CCDC27: variants seen among roughly 807,000 people sequenced by gnomAD.
CCDC27 encodes the protein coiled-coil domain containing 27.
A neutral mutation model predicts 80.3 loss-of-function variants in CCDC27; 80 were observed. The observed-to-expected ratio is 1.00, with a 90% confidence interval of 0.83 to 1.20. CCDC27 has a LOEUF of 1.20. Ranked by LOEUF, CCDC27 falls within the 50% of genes most tolerant of loss-of-function variation. The probability of loss-of-function intolerance (pLI) is 0.00; values close to 1 mark genes in which losing one functional copy is unlikely to be tolerated. For synonymous variants in CCDC27, 342 were observed against 334.3 expected, an observed-to-expected ratio of 1.02 and a Z score of -0.25; for missense variants, 815 against 809.4, an observed-to-expected ratio of 1.01 and a Z score of -0.08.
chr1:3,762,709 G>T lies in CCDC27; in HGVS notation c.951G>T (p.Trp317Cys), dbSNP rs369668046. ...ATGAGGAGGAGCTGCAGCACTGGTG[G>T]CAGGTGCGGGCCGCCTGGAGAGCAG... ...SRHEEELQHW[W>C]QMQEESAAPE... The change falls in exon 6 of 12, where the codon TGG becomes TGT. Residue 317 changes from tryptophan (W) to cysteine (C), a missense_variant. By Grantham distance (215) the Trp-to-Cys change is radical (BLOSUM62 -2). Coordinates refer to ENST00000294600, the MANE Select transcript of CCDC27 (RefSeq NM_152492.3). 9.0e-6 allele frequency: 14 copies of T among 1,548,786 alleles called. No individual in the cohort carries two copies. Among genetic ancestry groups the T allele is most frequent in the Non-Finnish European group, 1.0e-5 (12 of 1,146,554 alleles).
intron 3 of CCDC27, 122 bp from the exon 4 acceptor site, chr1:3,756,607 AGTCT>A (rs199790625): frequency 7.3e-6 from 7 of 956,148 alleles, no homozygotes; most frequent in Admixed American, 4.0e-5. Context: ...GACAGATTGG[AGTCT>A]GTCTGGGCAG....
rs556575875 is a variant in CCDC27 at position 3,769,360 on chromosome 1, A to G, written c.1744-423A>G. Among the ~76,000 whole-genome samples, 5 of 152,264 alleles carry G rather than the reference A, an allele frequency of 3.3e-5. No homozygotes were observed. The South Asian group carries it at 1.0e-3, about 32-fold the overall frequency. On this transcript the variant is annotated intron_variant, in intron 10 of 11. Transcript: ENST00000294600. The surrounding 1 kb of genome is among the most constrained non-coding windows in gnomAD (Gnocchi z 4.6). ...GGAAGCACCAGCAGCGCACTGTTAA[A>G]TGCCTAAAGTGAGAGTGTCCCCAAG...
rs200636445 is a variant in CCDC27, at chr1:3,763,370, C to T, written c.1217C>T (p.Ser406Leu). Residue 406 changes from serine (S) to leucine (L), a missense_variant, in exon 7 of 12, where the codon TCG becomes TTG. Ser to Leu is a moderately radical substitution (Grantham distance 145). Coordinates refer to ENST00000294600, the MANE Select transcript of CCDC27 (RefSeq NM_152492.3). The surrounding 1 kb of genome is among the most constrained non-coding windows in gnomAD (Gnocchi z 7.5). Reference sequence around the variant, plus strand: ...AGAAGGGCCTCCTCCCTGGCCGAGTCGTTTGAGGAGGAGCTGCTGGCCCAG... The same window carrying T: ...AGAAGGGCCTCCTCCCTGGCCGAGTTGTTTGAGGAGGAGCTGCTGGCCCAG... ...PRRRASSLAE[S>L]FEEELLAQLE... is the part of the protein sequence containing the mutation. 619 of 1,612,928 alleles carry T rather than the reference C, an allele frequency of 3.8e-4. 4 individuals are homozygous for T. The highest frequency in any genetic ancestry group is 1.9e-4 in the Middle Eastern group (1 of 5,148).
chr1:3,764,619 T>C (rs970765143), intron 8 of CCDC27, among the ~76,000 whole-genome samples: 1 of 152,164 alleles, frequency 6.6e-6, no homozygotes, highest in Non-Finnish European at 1.5e-5. Context: ...ATAAAATAAG[T>C]TTTACAGAAC....
chr1:3,760,405 C>G lies in CCDC27; in HGVS notation c.712-876C>G, dbSNP rs114593818. On this transcript the variant is annotated intron_variant, in intron 4 of 11. Transcript: ENST00000294600. The surrounding 1 kb of genome is among the most constrained non-coding windows in gnomAD (Gnocchi z 4.3). ...CACACCTATCTTTATTCCTTTTCTT[C>G]TACTTTCTGCGGGATTAATTTTAGT... is the stretch of plus-strand genomic sequence containing the variant. Among the ~76,000 whole-genome samples the G allele has an allele frequency of 5.1e-4, 77 of 152,192 alleles. No homozygotes were observed. Among genetic ancestry groups the G allele is most frequent in the African/African-American group, 1.7e-3 (72 of 41,518 alleles).
rs1331555407 is a variant in CCDC27 at position 3,755,499 on chromosome 1, G to C, written c.485G>C (p.Ser162Thr). The change falls in exon 3 of 12, where the codon AGC (serine) becomes ACC (threonine). Residue 162 changes from serine to threonine, a missense_variant. Transcript: ENST00000294600. ...GATTTGTCCGGAGAGATTGACAACA[G>C]CTCGGAGACCTGGAGAGGCACCCAG... Reference protein sequence around the residue: ...EADLSGEIDNSSETWRGTQDL... With the variant: ...EADLSGEIDNTSETWRGTQDL... 1.9e-6 allele frequency: 3 copies of C among 1,614,196 alleles called. No homozygotes were observed. Among genetic ancestry groups the C allele is most frequent in the Non-Finnish European group, 2.5e-6 (3 of 1,180,022 alleles).
Position 3,763,667 on chromosome 1 carries a change from C to G in CCDC27, c.1322-39C>G. ...CCTCTCCTTCTGTCCCTCACTGCCC[C>G]TGCTTGCTCCTGCTCACCGCCTCTG... On this transcript the variant is annotated intron_variant, in intron 7 of 11. Coordinates refer to ENST00000294600, the MANE Select transcript of CCDC27 (RefSeq NM_152492.3). The surrounding 1 kb of genome is among the most constrained non-coding windows in gnomAD (Gnocchi z 7.5). 4 of 1,612,238 alleles carry G rather than the reference C, an allele frequency of 2.5e-6. No homozygotes were observed. Among genetic ancestry groups the G allele is most frequent in the Non-Finnish European group, 3.4e-6 (4 of 1,178,570 alleles).
rs532211926 is a variant in CCDC27, at chr1:3,759,034, C to T, written c.711+2144C>T. 1.5e-4 allele frequency among the ~76,000 whole-genome samples: 22 copies of T among 149,814 alleles called. No individual in the cohort carries two copies. The South Asian group carries it at 2.5e-3, about 17-fold the overall frequency. ...GACCAGCCTGGCCAACATAGTGAAA[C>T]CTCATCTCTACTAAAAATACAAAAA... On this transcript the variant is annotated intron_variant, in intron 4 of 11. Coordinates refer to ENST00000294600, the MANE Select transcript of CCDC27 (RefSeq NM_152492.3).
chr1:3,764,259 T>C (rs1476274301), intron 8 of CCDC27, among the ~76,000 whole-genome samples: 1 of 152,228 alleles, frequency 6.6e-6, no homozygotes, highest in African/African-American at 2.4e-5. Context: ...AAGTTATTCA[T>C]GCACATCGCT....
At chr1:3,759,754 C>T (rs144752508) in intron 4 of CCDC27, among the ~76,000 whole-genome samples, 1 of 152,324 alleles carries the variant, frequency 6.6e-6, no homozygotes, top group East Asian at 1.9e-4. Context: ...TCTACCTGTA[C>T]ATTATTATAG....
rs1035832267 is a variant in CCDC27, at chr1:3,766,827, G to C, written c.1530+215G>C. Among the ~76,000 whole-genome samples, 2 of 146,250 alleles carry C rather than the reference G, an allele frequency of 1.4e-5. No homozygotes were observed. Among genetic ancestry groups the C allele is most frequent in the African/African-American group, 2.6e-5 (1 of 38,974 alleles). On this transcript the variant is annotated intron_variant, in intron 9 of 11. Transcript: ENST00000294600. This position sits in a 1 kb window ranked among gnomAD's most constrained non-coding sequence, Gnocchi z 6.1. Reference sequence around the variant, plus strand: ...ACTGGACTGGAGGGACCCAGCAAGCGTTCCCAGTCCTTTTTTTTTTTTTTT... The same window carrying C: ...ACTGGACTGGAGGGACCCAGCAAGCCTTCCCAGTCCTTTTTTTTTTTTTTT...
intron 4 of CCDC27, among the ~76,000 whole-genome samples, chr1:3,759,910 C>G (rs1421061162): frequency 6.6e-6 from 1 of 152,180 alleles, no homozygotes; most frequent in Non-Finnish European, 1.5e-5. Flanking sequence ...CCAGGTCATG[C>G]GTATGAACCA....
rs1319401249 is a variant in CCDC27 at position 3,762,072 on chromosome 1, CA to C, written c.862-547del. ...GGACGAGGCAGGTCTGTGTTGTGCCCAGGGGCGGTCACCTGATCTTCCTAAG... is the reference window on the plus strand; with the variant it reads ...GGACGAGGCAGGTCTGTGTTGTGCCCGGGGCGGTCACCTGATCTTCCTAAG... On this transcript the variant is annotated intron_variant, in intron 5 of 11. Transcript: ENST00000294600. 5.3e-5 allele frequency among the ~76,000 whole-genome samples: 8 copies of C among 152,280 alleles called. No individual in the cohort carries two copies. In the East Asian group the frequency reaches 1.4e-3, roughly 26 times the overall value.
intron 3 of CCDC27, chr1:3,756,437 C>T: frequency 3.5e-6 from 1 of 282,566 alleles, no homozygotes; most frequent in Non-Finnish European, 6.8e-6. Flanking sequence ...ACCCCCTCGT[C>T]CCGACTCCCA....
At chr1:3,759,364 G>A (rs1477990766) in intron 4 of CCDC27, among the ~76,000 whole-genome samples, 2 of 152,298 alleles carry the variant, frequency 1.3e-5, no homozygotes, top group East Asian at 1.9e-4. Context: ...GCTGTAAGTG[G>A]TACAAGGATA....
At position 3,761,449 on chromosome 1, in the gene CCDC27, G is replaced by C. The variant is rs1292126553; in HGVS notation, c.861+19G>C. On this transcript the variant is annotated intron_variant, in intron 5 of 11. Coordinates refer to ENST00000294600, the MANE Select transcript of CCDC27 (RefSeq NM_152492.3). The surrounding 1 kb of genome is among the most constrained non-coding windows in gnomAD (Gnocchi z 5.0). ...CAGGAGGGTGAGCCAGCCCCAGCGG[G>C]GCACAGCGCAGAGCTCTAAGACGGT... 7 of 1,612,404 alleles carry C rather than the reference G, an allele frequency of 4.3e-6. No individual in the cohort carries two copies. The Admixed American group carries it at 5.0e-5, about 12-fold the overall frequency.
Position 3,756,749 on chromosome 1 carries a change from C to T in CCDC27, c.570C>T (p.Phe190=). Residue 190 remains phenylalanine, a synonymous_variant, in exon 4 of 12, where the codon TTC becomes TTT. Transcript: ENST00000294600. The stretch of plus-strand genomic sequence containing the variant: ...TCGCCACAGGGTACCTCCTTCCCTT[C>T]AGTAAGAGCATCTGCGAGTTCGATT... ...DTNVDGYLLP[F]SKSICEFDYL... The T allele has an allele frequency of 6.2e-7, 1 of 1,614,038 alleles. No individual in the cohort carries two copies. The highest frequency in any genetic ancestry group is 8.5e-7 in the Non-Finnish European group (1 of 1,180,004).
chr1:3,765,720 T>C (rs553560252), intron 8 of CCDC27, among the ~76,000 whole-genome samples: 4 of 152,234 alleles, frequency 2.6e-5, no homozygotes, highest in Non-Finnish European at 5.9e-5. Flanking sequence ...ACAAGTTTGC[T>C]TTTGGTGTCT....
intron 3 of CCDC27, 42 bp downstream of exon 3, chr1:3,755,609 CCT>C (rs1557620595): frequency 2.0e-6 from 3 of 1,520,002 alleles, no homozygotes; most frequent in Middle Eastern, 3.5e-4. Context: ...CTGCTGGGCC[CCT>C]GAGCTCGAGG....
Sources: allele counts gnomAD v4.1 joint callset (sites outside exome capture counted in the v4.1 genomes callset), GRCh38; gene constraint gnomAD v4.1.1; non-coding constraint Gnocchi (gnomAD v3.1); transcripts MANE v1.5; gene names NCBI Gene and HGNC (gene_info 2026-07-23, HGNC 2026-07-21).